GRN: variants seen among roughly 807,000 people sequenced by gnomAD.
The protein encoded by GRN is progranulin.
In GRN, 30 loss-of-function variants were observed where a neutral mutation model predicts 66.7. The observed-to-expected ratio is 0.45, with a 90% confidence interval of 0.34 to 0.61. GRN has a LOEUF of 0.61. Ranked by LOEUF, GRN falls within the 20% of genes least tolerant of loss-of-function variation. GRN has a pLI of 0.01. For synonymous variants in GRN, 327 were observed against 311.1 expected (o/e 1.05, Z -0.54); for missense variants, 731 against 803.5 (o/e 0.91, Z 1.09).
intron 1 of GRN, 122 bp downstream of exon 1, chr17:44,345,456 T>G (rs1356206695): frequency 1.3e-5 from 2 of 152,188 alleles, no homozygotes; most frequent in African/African-American, 4.8e-5. Flanking sequence ...TTACTGAAAC[T>G]CCTTGGGGGT....
chr17:44,349,689 A>G lies in GRN; in HGVS notation c.287A>G (p.His96Arg), dbSNP rs139272628. The change falls in exon 4 of 13, where the codon CAT (histidine) becomes CGT (arginine). Residue 96 changes from histidine (H) to arginine (R), a missense_variant. Transcript: ENST00000053867. The stretch of plus-strand genomic sequence containing the variant: ...CAGGCCGTGGCATGCGGGGATGGCC[A>G]TCACTGCTGCCCACGGGGCTTCCAC... The part of the protein sequence containing the change: ...FPEAVACGDG[H>R]HCCPRGFHCS... 87 of 1,613,364 alleles carry G rather than the reference A, an allele frequency of 5.4e-5. 1 individual carries two copies. Among genetic ancestry groups the G allele is most frequent in the African/African-American group, 3.6e-4 (27 of 75,056 alleles).
rs1174759281 is a variant in GRN, at chr17:44,351,027, C to T, written c.709-10C>T. ...GGAAGTGACAAAGACCCACCCCTGT[C>T]CCCACTCAGGCCACCTGCTGCTCCG... On this transcript the variant is annotated splice_polypyrimidine_tract_variant and intron_variant, in intron 7 of 12. Transcript: ENST00000053867. 1 of 1,613,168 alleles carries T rather than the reference C, an allele frequency of 6.2e-7. No homozygotes were observed. The highest frequency in any genetic ancestry group is 1.1e-5 in the South Asian group (1 of 91,084).
In GRN at chr17:44,353,098, CT is replaced by C. The variant is rs746573188; in HGVS notation, c.*303del. ...TGTGCGTTTCAATAAAGTTTGTACACTTTCTTAACAGTGTCTGATTTGCCGC... is the reference window on the plus strand; with the variant it reads ...TGTGCGTTTCAATAAAGTTTGTACACTTCTTAACAGTGTCTGATTTGCCGC... On this transcript the variant is annotated 3_prime_UTR_variant, in exon 13 of 13. Coordinates refer to ENST00000053867, the MANE Select transcript of GRN (RefSeq NM_002087.4). The C allele has an allele frequency of 2.1e-4, 116 of 540,844 alleles. No homozygotes were observed. The highest frequency in any genetic ancestry group is 3.5e-4 in the Admixed American group (11 of 31,848). The allele number at this position is 540,844 out of a possible 1,614,324, so 33.5% of individuals were successfully genotyped here.
At chr17:44,348,175 C>T (rs1482894738) in intron 1 of GRN, among the ~76,000 whole-genome samples, 1 of 152,184 alleles carries the variant, frequency 6.6e-6, no homozygotes. Flanking sequence ...CCAAGAGGCT[C>T]AACAGACATT....
chr17:44,352,310 T>G, intron 11 of GRN, 31 bp from the exon 12 acceptor site: 1 of 1,602,816 alleles, frequency 6.2e-7, no homozygotes, highest in Non-Finnish European at 8.5e-7. Context: ...GACAGGAACA[T>G]AATGCCATTC....
In GRN at chr17:44,352,994, T is replaced by C. The variant is rs1423541081; in HGVS notation, c.*196T>C. Reference sequence around the variant, plus strand: ...TTGTGGCAAAAGCCACATTACAAGCTGCCATCCCCTCCCCGTTTCAGTGGA... The same window carrying C: ...TTGTGGCAAAAGCCACATTACAAGCCGCCATCCCCTCCCCGTTTCAGTGGA... On this transcript the variant is annotated 3_prime_UTR_variant, in exon 13 of 13. Coordinates refer to ENST00000053867, the MANE Select transcript of GRN (RefSeq NM_002087.4). The C allele has an allele frequency of 4.8e-6, 3 of 627,734 alleles. No homozygotes were observed. The Admixed American group carries it at 7.9e-5, about 16-fold the overall frequency. 38.9% of individuals were successfully genotyped at this position (627,734 alleles called of 1,614,324 possible).
chr17:44,348,648 C>G (rs982616808), intron 1 of GRN, among the ~76,000 whole-genome samples: 2 of 152,224 alleles, frequency 1.3e-5, no homozygotes, highest in African/African-American at 2.4e-5. Flanking sequence ...GTGGCCGCTT[C>G]CCGCAAGGCC....
chr17:44,351,609 G>A lies in GRN; in HGVS notation c.993G>A (p.Gln331=). The change falls in exon 10 of 13, where the codon CAG becomes CAA. Residue 331 remains glutamine (Q), a synonymous_variant. Transcript: ENST00000053867. Reference sequence around the variant, plus strand: ...CCGCGGGGTTTACGTGTGACACGCAGAAGGGTACCTGTGAACAGGGGCCCC... The same window carrying A: ...CCGCGGGGTTTACGTGTGACACGCAAAAGGGTACCTGTGAACAGGGGCCCC... ...CCPAGFTCDT[Q]KGTCEQGPHQ... is the part of the protein sequence containing the mutation. 1 of 1,614,060 alleles carries A rather than the reference G, an allele frequency of 6.2e-7. No homozygotes were observed. Among genetic ancestry groups the A allele is most frequent in the Non-Finnish European group, 8.5e-7 (1 of 1,179,964 alleles).
At chr17:44,349,131 T>C (rs779384455) in intron 1 of GRN, 27 bp from the exon 2 acceptor site, 1 of 1,613,382 alleles carries the variant, frequency 6.2e-7, no homozygotes. Context: ...CTTAAGCAGT[T>C]GCCAGACGTT....
rs1407292106 is a variant in GRN, at chr17:44,350,803, G to A, written c.708+3G>A. On this transcript the variant is annotated splice_donor_region_variant and intron_variant, in intron 7 of 12. Coordinates refer to ENST00000053867, the MANE Select transcript of GRN (RefSeq NM_002087.4). ...ATGGCTGCTGCCCAATGCCCAACGT[G>A]AGTGAGGGGCTGGAGCCAGCTTGGC... 2 of 1,604,464 alleles carry A rather than the reference G, an allele frequency of 1.2e-6. No homozygotes were observed. The highest frequency in any genetic ancestry group is 1.1e-5 in the South Asian group (1 of 90,904).
At chr17:44,351,993 C>T in intron 10 of GRN, 22 bp from the exon 11 acceptor site, 2 of 1,591,936 alleles carry the variant, frequency 1.3e-6, no homozygotes, top group Non-Finnish European at 1.7e-6. Flanking sequence ...ACCTACAACG[C>T]CCTTTCCTGC....
Position 44,350,176 on chromosome 17 carries a change from G to GAGTC in GRN, c.350-50_350-47dup, listed in dbSNP as rs34424835. ...GCCACCAGCTCCTTGTGTGATGGGG[G>GAGTC]AGTCACCTTCCCTGAGTGGGCTGGT... On this transcript the variant is annotated intron_variant, in intron 4 of 12. Transcript: ENST00000053867. 316,363 of 1,229,768 alleles carry GAGTC rather than the reference G, an allele frequency of 0.26. 46,136 individuals carry two copies. Among genetic ancestry groups the GAGTC allele is most frequent in the East Asian group, 0.51 (21,700 of 42,916 alleles). The allele number at this position is 1,229,768 out of a possible 1,614,324, so 76.2% of individuals were successfully genotyped here.
At position 44,351,694 on chromosome 17, in the gene GRN, T is replaced by C. The variant is rs758430628; in HGVS notation, c.1078T>C (p.Leu360=). 1 of 1,613,972 alleles carries C rather than the reference T, an allele frequency of 6.2e-7. No homozygotes were observed. Among genetic ancestry groups the C allele is most frequent in the South Asian group, 1.1e-5 (1 of 91,088 alleles). ...CCTCAGCCTGCCAGACCCACAAGCC[T>C]TGAAGAGAGATGTCCCCTGTGATAA... is the stretch of plus-strand genomic sequence containing the variant. The part of the protein sequence containing the change: ...AHLSLPDPQA[L]KRDVPCDNVS... Residue 360 remains leucine (L), a synonymous_variant, in exon 10 of 13, where the codon TTG becomes CTG. Transcript: ENST00000053867.
rs2048359515 is a variant in GRN at position 44,350,288 on chromosome 17, C to T, written c.410C>T (p.Ser137Phe). The T allele has an allele frequency of 1.2e-6, 2 of 1,613,866 alleles. No homozygotes were observed. Among genetic ancestry groups the T allele is most frequent in the East Asian group, 4.5e-5 (2 of 44,886 alleles). ...AGTCAGTTCGAATGCCCGGACTTCT[C>T]CACGTGCTGTGTTATGGTCGATGGC... ...PDSQFECPDF[S>F]TCCVMVDGSW... Residue 137 changes from serine (S) to phenylalanine (F), a missense_variant, in exon 5 of 13, where the codon TCC becomes TTC. Physicochemically the swap from Ser to Phe is radical, Grantham distance 155 (BLOSUM62 -2). Around this residue, in one of 3 missense-constraint regions of GRN, gnomAD observed 370 missense variants for 379.8 expected, o/e 0.97. Coordinates refer to ENST00000053867, the MANE Select transcript of GRN (RefSeq NM_002087.4).
In GRN at chr17:44,348,554, C is replaced by T. The variant is rs1055391567; in HGVS notation, c.-7-604C>T. ...GACATTCATGGGCAGATGGTGACCT[C>T]TGGGGAAGGCAGCCCAGACTCCACT... On this transcript the variant is annotated intron_variant, in intron 1 of 12. Transcript: ENST00000053867. 4.6e-5 allele frequency among the ~76,000 whole-genome samples: 7 copies of T among 152,312 alleles called. No individual in the cohort carries two copies. The East Asian group carries it at 7.7e-4, about 17-fold the overall frequency.
Position 44,350,545 on chromosome 17 carries a change from A to G in GRN, c.566A>G (p.Lys189Arg), listed in dbSNP as rs1311000828. The G allele has an allele frequency of 6.2e-7, 1 of 1,614,006 alleles. No homozygotes were observed. The highest frequency in any genetic ancestry group is 1.7e-5 in the Admixed American group (1 of 60,016). Reference protein sequence around the residue: ...ITPTGTHPLAKKLPAQRTNRA... With the variant: ...ITPTGTHPLARKLPAQRTNRA... ...CCCACGGGCACCCACCCCCTGGCAA[A>G]GAAGCTCCCTGCCCAGAGGACTAAC... is the stretch of plus-strand genomic sequence containing the variant. The change falls in exon 6 of 13, where the codon AAG becomes AGG. Residue 189 changes from lysine to arginine, a missense_variant. This residue lies in a region of GRN where 370 missense variants were observed against 379.8 expected (regional missense o/e 0.97). Transcript: ENST00000053867.
rs2048373870 is a variant in GRN, at chr17:44,351,480, G to A, written c.933+20G>A. ...ACCCAGGTACCCAGGGGTGGCGGGT[G>A]GGTGGGCTGAGCACAGTGTGGCAGG... On this transcript the variant is annotated intron_variant, in intron 9 of 12. Coordinates refer to ENST00000053867, the MANE Select transcript of GRN (RefSeq NM_002087.4). 2 of 1,612,104 alleles carry A rather than the reference G, an allele frequency of 1.2e-6. No individual in the cohort carries two copies. The highest frequency in any genetic ancestry group is 1.7e-5 in the Admixed American group (1 of 60,002).
Position 44,349,736 on chromosome 17 carries a change from T to C in GRN, c.334T>C (p.Cys112Arg). 1 of 1,608,860 alleles carries C rather than the reference T, an allele frequency of 6.2e-7. No individual in the cohort carries two copies. Among genetic ancestry groups the C allele is most frequent in the Non-Finnish European group, 8.5e-7 (1 of 1,175,462 alleles). Residue 112 changes from cysteine to arginine, a missense_variant, in exon 4 of 13, where the codon TGC becomes CGC. Coordinates refer to ENST00000053867, the MANE Select transcript of GRN (RefSeq NM_002087.4). ...CCACTGCAGTGCAGACGGGCGATCCTGCTTCCAAAGATCAGGTGCAGCTGG... is the reference window on the plus strand; with the variant it reads ...CCACTGCAGTGCAGACGGGCGATCCCGCTTCCAAAGATCAGGTGCAGCTGG... ...GFHCSADGRS[C>R]FQRSGNNSVG...
chr17:44,352,122 G>A lies in GRN; in HGVS notation c.1287G>A (p.Met429Ile), dbSNP rs1046139536. The A allele has an allele frequency of 6.2e-7, 1 of 1,613,626 alleles. No individual in the cohort carries two copies. Among genetic ancestry groups the A allele is most frequent in the Non-Finnish European group, 8.5e-7 (1 of 1,179,876 alleles). ...AGATCGTGGCTGGACTGGAGAAGAT[G>A]CCTGCCCGCCGGGCTTCCTTATCCC... is the stretch of plus-strand genomic sequence containing the variant. ...GSEIVAGLEK[M>I]PARRASLSHP... is the part of the protein sequence containing the mutation. The change falls in exon 11 of 13, where the codon ATG (methionine) becomes ATA (isoleucine). Residue 429 changes from methionine (M) to isoleucine (I), a missense_variant. Around this residue, in one of 3 missense-constraint regions of GRN, gnomAD observed 319 missense variants for 347.2 expected, o/e 0.92. Transcript: ENST00000053867.
Sources: allele counts gnomAD v4.1 joint callset (sites outside exome capture counted in the v4.1 genomes callset), GRCh38; gene constraint gnomAD v4.1.1; regional missense constraint gnomAD v4.1.1; transcripts MANE v1.5; gene names NCBI Gene and HGNC (gene_info 2026-07-23, HGNC 2026-07-21).